Variants in PRKN observed in about 807,000 individuals in gnomAD.
PRKN encodes the protein parkin RBR E3 ubiquitin protein ligase.
In PRKN, 56 loss-of-function variants were observed where a neutral mutation model predicts 59.5. The observed-to-expected ratio is 0.94, with a 90% CI of 0.76 to 1.18. The LOEUF is 1.18. Ranked by LOEUF, PRKN falls within the 50% of genes most tolerant of loss-of-function variation. The probability of loss-of-function intolerance (pLI) is 0.00; values close to 1 mark genes in which losing one functional copy is unlikely to be tolerated. For synonymous variants in PRKN, 250 were observed against 222.1 expected, an observed-to-expected ratio of 1.13 and a Z score of -1.12; for missense variants, 657 against 596.4, an observed-to-expected ratio of 1.10 and a Z score of -1.06.
intron 6 of PRKN, among the ~76,000 whole-genome samples, chr6:161,788,402 A>G (rs1354822624): frequency 6.6e-6 from 1 of 152,170 alleles, no homozygotes; most frequent in East Asian, 1.9e-4. Context: ...CAATATAAAT[A>G]GTCCATCTTA....
intron 9 of PRKN, among the ~76,000 whole-genome samples, chr6:161,389,387 G>A (rs1486681453): frequency 6.6e-6 from 1 of 152,178 alleles, no homozygotes; most frequent in African/African-American, 2.4e-5. Flanking sequence ...ATCACTTTTA[G>A]CATATTATAT....
intron 2 of PRKN, among the ~76,000 whole-genome samples, chr6:162,430,925 C>CT (rs1789489221): frequency 6.6e-6 from 1 of 152,148 alleles, no homozygotes; most frequent in South Asian, 2.1e-4. Flanking sequence ...CAGAACAAAT[C>CT]TAAGGGTGGA....
chr6:162,472,871 C>T (rs1791828306), intron 1 of PRKN, among the ~76,000 whole-genome samples: 2 of 150,292 alleles, frequency 1.3e-5, no homozygotes, highest in Admixed American at 6.7e-5. Context: ...AGGTAGAATT[C>T]AACATACTGG....
In PRKN at chr6:162,166,653, C is replaced by A. The variant is rs149625049; in HGVS notation, c.534+34478G>T. On this transcript the variant is annotated intron_variant, in intron 4 of 11. Coordinates refer to ENST00000366898, the MANE Select transcript of PRKN (RefSeq NM_004562.3). The stretch of plus-strand genomic sequence containing the variant: ...ATTTTAAAATTCTTCAAAAATGAGA[C>A]GAATTGGTAAGTGGATGGAGAAGGA... Among the ~76,000 whole-genome samples, 588 of 152,146 alleles carry A rather than the reference C, an allele frequency of 3.9e-3. 6 individuals are homozygous for A. The highest frequency in any genetic ancestry group is 0.013 in the African/African-American group (557 of 41,512).
intron 6 of PRKN, among the ~76,000 whole-genome samples, chr6:161,850,181 C>T (rs1793368831): frequency 6.6e-6 from 1 of 152,034 alleles, no homozygotes; most frequent in African/African-American, 2.4e-5. Flanking sequence ...GGCTATTATC[C>T]ATATTTTAAT....
chr6:162,115,157 A>G (rs1583053995), intron 4 of PRKN, among the ~76,000 whole-genome samples: 1 of 152,136 alleles, frequency 6.6e-6, no homozygotes, highest in African/African-American at 2.4e-5. Context: ...ATGGAATACT[A>G]TGCAGCCATA....
At chr6:162,433,627 A>G (rs1233510119) in intron 2 of PRKN, among the ~76,000 whole-genome samples, 2 of 152,190 alleles carry the variant, frequency 1.3e-5, no homozygotes, top group African/African-American at 4.8e-5. Flanking sequence ...TTAATTAACC[A>G]CTTTAGCAGG....
At position 162,667,821 on chromosome 6, in the gene PRKN, A is replaced by G. The variant is rs148763993; in HGVS notation, c.7+59841T>C. Among the ~76,000 whole-genome samples, 1,247 of 152,238 alleles carry G rather than the reference A, an allele frequency of 8.2e-3. 10 individuals are homozygous for G. The highest frequency in any genetic ancestry group is 0.028 in the African/African-American group (1,176 of 41,548). ...TCTTAGAGCCTCAGTTTCTTCATCTATAAGATGGGGTTAATATTAGTACTT... is the reference window on the plus strand; with the variant it reads ...TCTTAGAGCCTCAGTTTCTTCATCTGTAAGATGGGGTTAATATTAGTACTT... On this transcript the variant is annotated intron_variant, in intron 1 of 11. Transcript: ENST00000366898.
intron 4 of PRKN, among the ~76,000 whole-genome samples, chr6:162,192,948 G>A (rs1185086568): frequency 2.6e-5 from 4 of 152,022 alleles, no homozygotes; most frequent in Non-Finnish European, 5.9e-5. Context: ...GCATTCTAAA[G>A]GTACACTTGG....
At chr6:162,127,764 A>T (rs1781179492) in intron 4 of PRKN, among the ~76,000 whole-genome samples, 1 of 152,242 alleles carries the variant, frequency 6.6e-6, no homozygotes, top group Admixed American at 6.5e-5. Flanking sequence ...GAATCCTTTG[A>T]TTGTTCCATC....
chr6:162,477,806 TCTAA>T (rs1253327533), intron 1 of PRKN, among the ~76,000 whole-genome samples: 1 of 152,144 alleles, frequency 6.6e-6, no homozygotes, highest in Non-Finnish European at 1.5e-5. Context: ...CTACAGCATC[TCTAA>T]CTATTCAGGA....
chr6:162,561,534 A>G (rs1372692559), intron 1 of PRKN, among the ~76,000 whole-genome samples: 2 of 152,132 alleles, frequency 1.3e-5, no homozygotes, highest in African/African-American at 2.4e-5. Context: ...TCCACTTCAT[A>G]TCCCTGAAAG....
At chr6:162,594,159 A>C (rs1781410780) in intron 1 of PRKN, among the ~76,000 whole-genome samples, 1 of 144,824 alleles carries the variant, frequency 6.9e-6, no homozygotes, top group South Asian at 2.2e-4. Flanking sequence ...AAAACAAACA[A>C]AAAAAAAACT....
At position 161,466,743 on chromosome 6, in the gene PRKN, G is replaced by A. The variant is rs1181960590; in HGVS notation, c.1084-79866C>T. The stretch of plus-strand genomic sequence containing the variant: ...AGACATACAAACAACCCAAGGACAG[G>A]CTTTCTGACAAGTGATTGATAGATT... On this transcript the variant is annotated intron_variant, in intron 9 of 11. Coordinates refer to ENST00000366898, the MANE Select transcript of PRKN (RefSeq NM_004562.3). The surrounding 1 kb of genome is among the most constrained non-coding windows in gnomAD (Gnocchi z 5.0). 6.6e-6 allele frequency among the ~76,000 whole-genome samples: 1 copy of A among 152,124 alleles called. No individual in the cohort carries two copies. Among genetic ancestry groups the A allele is most frequent in the Non-Finnish European group, 1.5e-5 (1 of 68,016 alleles).
chr6:162,036,148 C>T (rs1410942323), intron 5 of PRKN, among the ~76,000 whole-genome samples: 1 of 151,616 alleles, frequency 6.6e-6, no homozygotes, highest in East Asian at 2.0e-4. Context: ...CACAGTGAAA[C>T]CCCGTCTCTA....
At chr6:162,570,851 A>C (rs1780293765) in intron 1 of PRKN, among the ~76,000 whole-genome samples, 1 of 152,164 alleles carries the variant, frequency 6.6e-6, no homozygotes, top group African/African-American at 2.4e-5. Context: ...AAATAGAATG[A>C]ATAAGACCTA....
intron 2 of PRKN, chr6:162,275,394 C>T (rs79032964): frequency 2.6e-5 from 4 of 151,986 alleles, no homozygotes; most frequent in Non-Finnish European, 5.9e-5. Flanking sequence ...TATAGGAAGG[C>T]AGAATAAATG....
intron 6 of PRKN, among the ~76,000 whole-genome samples, chr6:161,872,092 T>C (rs189307853): frequency 1.9e-4 from 29 of 152,282 alleles, no homozygotes; most frequent in African/African-American, 7.0e-4. Flanking sequence ...CAGCCCTATT[T>C]AGCTTACATT....
At chr6:161,883,378 A>G (rs1229207902) in intron 6 of PRKN, among the ~76,000 whole-genome samples, 2 of 151,738 alleles carry the variant, frequency 1.3e-5, no homozygotes, top group Admixed American at 1.3e-4. Context: ...GGTGTCTGTA[A>G]TCCCAGCTAC....
Sources: allele counts gnomAD v4.1 joint callset (sites outside exome capture counted in the v4.1 genomes callset), GRCh38; gene constraint gnomAD v4.1.1; non-coding constraint Gnocchi (gnomAD v3.1); transcripts MANE v1.5; gene names NCBI Gene and HGNC (gene_info 2026-07-23, HGNC 2026-07-21).